The following CRYZL1 variants were observed in gnomAD, a reference collection of about 807,000 sequenced individuals.
The protein encoded by CRYZL1 is crystallin zeta like 1.
Under a neutral mutation model 50.6 loss-of-function variants are expected in CRYZL1, and 34 were observed. The observed-to-expected ratio is 0.67, with a 90% CI of 0.51 to 0.89. The LOEUF is 0.89. CRYZL1 is among the 40% of genes least tolerant of loss of function. The pLI is 0.00. For missense variants in CRYZL1, 354 were observed against 402.3 expected, an observed-to-expected ratio of 0.88 and a Z score of 1.03; for synonymous variants, 125 against 134.3, an observed-to-expected ratio of 0.93 and a Z score of 0.48.
intron 2 of CRYZL1, among the ~76,000 whole-genome samples, chr21:33,630,918 C>T (rs904499974): frequency 4.6e-5 from 7 of 152,126 alleles, no homozygotes; most frequent in African/African-American, 1.7e-4. Flanking sequence ...TACATGATCT[C>T]ACTCAAATAT....
At chr21:33,617,629 C>A (rs1163585544) in intron 4 of CRYZL1, among the ~76,000 whole-genome samples, 1 of 151,922 alleles carries the variant, frequency 6.6e-6, no homozygotes, top group Non-Finnish European at 1.5e-5. Flanking sequence ...TAAGGGGGTC[C>A]GTGTGAGAGG....
chr21:33,629,228 A>C (rs535563827), intron 2 of CRYZL1, among the ~76,000 whole-genome samples: 115 of 152,032 alleles, frequency 7.6e-4, no homozygotes, highest in African/African-American at 2.5e-3. Context: ...CTGTCTCAAA[A>C]AACAACAACA....
chr21:33,637,052 A>G (rs1342609563), intron 1 of CRYZL1, among the ~76,000 whole-genome samples: 1 of 152,176 alleles, frequency 6.6e-6, no homozygotes, highest in Non-Finnish European at 1.5e-5. Context: ...TTTCAGGCCA[A>G]AAGTGTTTTG....
intron 10 of CRYZL1, chr21:33,596,346 T>G (rs2086692683): frequency 6.0e-6 from 2 of 333,844 alleles, no homozygotes; most frequent in South Asian, 4.7e-5. Flanking sequence ...TGAAATACTA[T>G]TAAAAATTCA....
chr21:33,593,922 T>G (rs2086667632), intron 11 of CRYZL1, among the ~76,000 whole-genome samples: 1 of 130,258 alleles, frequency 7.7e-6, no homozygotes, highest in African/African-American at 3.0e-5. Context: ...GAGTTGGAGG[T>G]TGCAGTGAGC....
At chr21:33,616,172 T>C (rs760824343) in intron 5 of CRYZL1, 2 of 152,784 alleles carry the variant, frequency 1.3e-5, no homozygotes, top group Admixed American at 6.5e-5. Context: ...AGTGAGAATA[T>C]GCGGTGTTTG....
At chr21:33,620,041 A>C (rs1426935707) in intron 4 of CRYZL1, among the ~76,000 whole-genome samples, 1 of 152,216 alleles carries the variant, frequency 6.6e-6, no homozygotes, top group African/African-American at 2.4e-5. Context: ...TTATATCCTA[A>C]GCAGTTAGCA....
At chr21:33,593,328 A>C (rs1486136430) in intron 11 of CRYZL1, among the ~76,000 whole-genome samples, 2 of 151,974 alleles carry the variant, frequency 1.3e-5, no homozygotes, top group Non-Finnish European at 2.9e-5. Flanking sequence ...GGATGGTCTC[A>C]ATCTCCTGAC....
At chr21:33,615,671 A>T (rs2086922004) in intron 5 of CRYZL1, among the ~76,000 whole-genome samples, 1 of 152,202 alleles carries the variant, frequency 6.6e-6, no homozygotes, top group Non-Finnish European at 1.5e-5. Flanking sequence ...GATTTTAAAA[A>T]ACAATAAAAG....
intron 2 of CRYZL1, among the ~76,000 whole-genome samples, chr21:33,625,446 C>T (rs186589562): frequency 1.8e-4 from 27 of 151,996 alleles, no homozygotes; most frequent in East Asian, 3.9e-4. Context: ...TGAGCCACCA[C>T]GCCCAGCAGG....
chr21:33,608,116 AT>A (rs2086832485), intron 6 of CRYZL1, among the ~76,000 whole-genome samples: 1 of 152,204 alleles, frequency 6.6e-6, no homozygotes, highest in Non-Finnish European at 1.5e-5. Context: ...ACAATACTCT[AT>A]TATTAACTAT....
chr21:33,623,969 A>T (rs921927461), intron 3 of CRYZL1, among the ~76,000 whole-genome samples: 32 of 152,190 alleles, frequency 2.1e-4, no homozygotes, highest in Admixed American at 2.6e-4. Flanking sequence ...ATAACTAGTA[A>T]TATTAGTTAA....
chr21:33,627,739 G>A (rs906329596), intron 2 of CRYZL1, among the ~76,000 whole-genome samples: 6 of 84,362 alleles, frequency 7.1e-5, no homozygotes, highest in Non-Finnish European at 1.3e-4. Flanking sequence ...ATGAGACATG[G>A]TTTTTTTTTT....
At chr21:33,616,085 A>AC (rs2086928255) in intron 5 of CRYZL1, among the ~76,000 whole-genome samples, 1 of 112,552 alleles carries the variant, frequency 8.9e-6, no homozygotes, top group African/African-American at 3.2e-5. Flanking sequence ...TCCCCCCCCC[A>AC]ACCCCACCAC....
At chr21:33,602,868 T>C (rs2086770824) in intron 7 of CRYZL1, among the ~76,000 whole-genome samples, 1 of 152,236 alleles carries the variant, frequency 6.6e-6, no homozygotes, top group Non-Finnish European at 1.5e-5. Flanking sequence ...GAAGAAAGCA[T>C]TTCATCACAA....
chr21:33,623,057 C>T (rs556168293), intron 3 of CRYZL1, among the ~76,000 whole-genome samples: 2 of 150,768 alleles, frequency 1.3e-5, no homozygotes, highest in South Asian at 4.2e-4. Context: ...CCTCCGCCTC[C>T]CAGGTTCAAG....
intron 11 of CRYZL1, 127 bp downstream of exon 11, chr21:33,595,604 C>CTTGGAATACTGT: frequency 6.8e-7 from 1 of 1,460,152 alleles, no homozygotes; most frequent in African/African-American, 1.4e-5. Context: ...TTGCAAGGCA[C>CTTGGAATACTGT]TTGGAATACT....
rs1320005491 is a variant in CRYZL1 at position 33,613,617 on chromosome 21, A to G, written c.263-11T>C. On this transcript the variant is annotated splice_polypyrimidine_tract_variant and intron_variant, in intron 5 of 12. Transcript: ENST00000381554. ...CCAGGGGCAAAATTCCTAAAAATCA[A>G]AACAAGAAATTAAAGGGATGTAAGT... 1 of 1,602,538 alleles carries G rather than the reference A, an allele frequency of 6.2e-7. No individual in the cohort carries two copies. The highest frequency in any genetic ancestry group is 8.5e-7 in the Non-Finnish European group (1 of 1,169,946).
chr21:33,601,392 T>C (rs1304231849), intron 8 of CRYZL1, among the ~76,000 whole-genome samples: 2 of 152,186 alleles, frequency 1.3e-5, no homozygotes, highest in Non-Finnish European at 2.9e-5. Flanking sequence ...CAGACAGGCC[T>C]GGGTTCAAAT....
Sources: allele counts gnomAD v4.1 joint callset (sites outside exome capture counted in the v4.1 genomes callset), GRCh38; gene constraint gnomAD v4.1.1; transcripts MANE v1.5; gene names NCBI Gene and HGNC (gene_info 2026-07-23, HGNC 2026-07-21).